FBLN7: variants seen among roughly 807,000 people sequenced by gnomAD.
FBLN7 encodes fibulin-7.
In FBLN7, 31 loss-of-function variants were observed where a neutral mutation model predicts 44.0. That is an observed-to-expected ratio of 0.70 (90% CI 0.53 to 0.95). FBLN7 has a LOEUF of 0.95. Ranked by LOEUF, FBLN7 falls within the 40% of genes least tolerant of loss-of-function variation. The probability of loss-of-function intolerance (pLI) is 0.00; values close to 1 mark genes in which losing one functional copy is unlikely to be tolerated. For missense variants in FBLN7, 573 were observed against 618.5 expected (o/e 0.93, Z 0.78); for synonymous variants, 262 against 253.4 (o/e 1.03, Z -0.32).
chr2:112,194,960 T>G, the FBLN7 span, among the ~76,000 whole-genome samples: 1 of 152,174 alleles, frequency 6.6e-6, no homozygotes, highest in African/African-American at 2.4e-5. Flanking sequence ...GTGCTGCAGG[T>G]TCACCAAGGT....
chr2:112,224,834 TGTA>T, the FBLN7 span, among the ~76,000 whole-genome samples: 3 of 152,300 alleles, frequency 2.0e-5, no homozygotes, highest in Middle Eastern at 0.01. Context: ...AAGAATGAAT[TGTA>T]GTAAAGTGTC....
Position 112,159,749 on chromosome 2 carries a change from G to C in FBLN7, c.149G>C (p.Arg50Pro). Residue 50 changes from arginine (R) to proline (P), a missense_variant, in exon 2 of 8, where the codon CGC becomes CCC. Transcript: ENST00000331203. ...CAGCTGCTGAAGGGCCAGGAGACAC[G>C]CTTCGCCGAGGGCATCCGCCACATG... ...LQQLLKGQET[R>P]FAEGIRHMKS... 6.2e-7 allele frequency: 1 copy of C among 1,605,402 alleles called. No individual in the cohort carries two copies. The highest frequency in any genetic ancestry group is 1.1e-5 in the South Asian group (1 of 89,754).
At chr2:112,242,683 G>T in the FBLN7 span, among the ~76,000 whole-genome samples, 1 of 152,122 alleles carries the variant, frequency 6.6e-6, no homozygotes, top group African/African-American at 2.4e-5. Context: ...AGTGCTAAAA[G>T]AAAACAATGT....
chr2:112,212,232 T>TTATAAGGG, the FBLN7 span: 4 of 152,198 alleles, frequency 2.6e-5, no homozygotes, highest in Non-Finnish European at 5.9e-5. Flanking sequence ...CTAATCCCAT[T>TTATAAGGG]CATGAGGGGC....
In FBLN7 at chr2:112,187,218, G is replaced by A. The variant is rs759128288; in HGVS notation, c.1032G>A (p.Leu344=). 1 of 1,614,050 alleles carries A rather than the reference G, an allele frequency of 6.2e-7. No individual in the cohort carries two copies. The highest frequency in any genetic ancestry group is 8.5e-7 in the Non-Finnish European group (1 of 1,180,012). ...PKTISFHYLS[L]PSNLKTPITL... is the part of the protein sequence containing the mutation. ...CCATCTCCTTCCATTACCTCTCTCTGCCTTCCAACCTGAAGACGCCCATCA... is the reference window on the plus strand; with the variant it reads ...CCATCTCCTTCCATTACCTCTCTCTACCTTCCAACCTGAAGACGCCCATCA... Residue 344 remains leucine, a synonymous_variant, in exon 8 of 8, where the codon CTG becomes CTA. Transcript: ENST00000331203. The surrounding 1 kb of genome is among the most constrained non-coding windows in gnomAD (Gnocchi z 5.1).
At chr2:112,176,253 G>T (rs1682732354) in intron 4 of FBLN7, 1 of 157,614 alleles carries the variant, frequency 6.3e-6, no homozygotes, top group African/African-American at 2.4e-5. Context: ...CAAGTATTTT[G>T]AGAGCTGGAT....
At position 112,187,311 on chromosome 2, in the gene FBLN7, C is replaced by T. The variant is rs370318617; in HGVS notation, c.1125C>T (p.Ile375=). Residue 375 remains isoleucine, a synonymous_variant, in exon 8 of 8, where the codon ATC becomes ATT. Transcript: ENST00000331203. The surrounding 1 kb of genome is among the most constrained non-coding windows in gnomAD (Gnocchi z 5.1). ...GGCCCAACAGCCTGCGGTTTGGGAT[C>T]GTGGGTGGGAACAGCCGCGGCCACT... The part of the protein sequence containing the change: ...RAGPNSLRFG[I]VGGNSRGHFV... 4.6e-5 allele frequency: 75 copies of T among 1,613,992 alleles called. No homozygotes were observed. Among genetic ancestry groups the T allele is most frequent in the Admixed American group, 2.3e-4 (14 of 60,006 alleles).
intron 1 of FBLN7, 125 bp downstream of exon 1, chr2:112,138,855 CTCCCCT>C: frequency 7.8e-7 from 1 of 1,278,382 alleles, no homozygotes; most frequent in African/African-American, 2.0e-5. Flanking sequence ...TCCCGCCTCT[CTCCCCT>C]GTCCCTCCCG....
rs904640014 is a variant in FBLN7, at chr2:112,160,037, C to T, written c.235+202C>T. 8.6e-4 allele frequency among the ~76,000 whole-genome samples: 130 copies of T among 152,040 alleles called. 1 individual carries two copies. Among genetic ancestry groups the T allele is most frequent in the African/African-American group, 3.1e-3 (127 of 41,368 alleles). On this transcript the variant is annotated intron_variant, in intron 2 of 7. Coordinates refer to ENST00000331203, the MANE Select transcript of FBLN7 (RefSeq NM_153214.3). The stretch of plus-strand genomic sequence containing the variant: ...ACGGAGTCTCGCTCTGTCGCCCAGG[C>T]TGGAGTGCAGTGGCGCGATCTCGGC...
At chr2:112,181,979 T>G in intron 5 of FBLN7, 103 bp downstream of exon 5, 1 of 1,404,922 alleles carries the variant, frequency 7.1e-7, no homozygotes, top group Non-Finnish European at 9.3e-7. Context: ...GGTGGCTTCC[T>G]GCGCGCGGTC....
At position 112,160,452 on chromosome 2, in the gene FBLN7, C is replaced by A. The variant is rs1000965834; in HGVS notation, c.235+617C>A. ...ACAACTATCACGTCTTCATACGGAC[C>A]AAACTGTTGCAAGGCGCCACTTTTA... On this transcript the variant is annotated intron_variant, in intron 2 of 7. Coordinates refer to ENST00000331203, the MANE Select transcript of FBLN7 (RefSeq NM_153214.3). Among the ~76,000 whole-genome samples, 12 of 152,318 alleles carry A rather than the reference C, an allele frequency of 7.9e-5. 1 individual carries two copies. Among genetic ancestry groups the A allele is most frequent in the African/African-American group, 2.9e-4 (12 of 41,576 alleles).
chr2:112,155,974 A>G (rs964035450), intron 1 of FBLN7, among the ~76,000 whole-genome samples: 1 of 151,852 alleles, frequency 6.6e-6, no homozygotes, highest in Non-Finnish European at 1.5e-5. Context: ...CCCTCCATGT[A>G]CCCGGGGCAG....
Position 112,187,668 on chromosome 2 carries a change from A to G in FBLN7, c.*162A>G. 1 of 907,616 alleles carries G rather than the reference A, an allele frequency of 1.1e-6. No homozygotes were observed. The highest frequency in any genetic ancestry group is 1.6e-6 in the Non-Finnish European group (1 of 607,494). The allele number at this position is 907,616 out of a possible 1,614,324, so 56.2% of individuals were successfully genotyped here. ...GTTGCACGGCGCCCCATGGAATAGC[A>G]CGGAAGAGCAGCCACAAAACTCAAC... is the stretch of plus-strand genomic sequence containing the variant. On this transcript the variant is annotated 3_prime_UTR_variant, in exon 8 of 8. Coordinates refer to ENST00000331203, the MANE Select transcript of FBLN7 (RefSeq NM_153214.3). The surrounding 1 kb of genome is among the most constrained non-coding windows in gnomAD (Gnocchi z 5.1).
At chr2:112,158,561 G>A (rs572912164) in intron 1 of FBLN7, among the ~76,000 whole-genome samples, 28 of 151,868 alleles carry the variant, frequency 1.8e-4, no homozygotes, top group African/African-American at 5.8e-4. Context: ...TCAGCCTCCC[G>A]AGTAGCTGGG....
At chr2:112,149,050 T>A (rs1202255419) in intron 1 of FBLN7, among the ~76,000 whole-genome samples, 1 of 152,212 alleles carries the variant, frequency 6.6e-6, no homozygotes, top group Non-Finnish European at 1.5e-5. Flanking sequence ...CAGGCACCTG[T>A]GTTTAGACAA....
downstream of FBLN7, among the ~76,000 whole-genome samples, chr2:112,191,148 T>A (rs1166814732): frequency 6.6e-6 from 1 of 152,096 alleles, no homozygotes; most frequent in East Asian, 1.9e-4. Context: ...AGCAAATTTT[T>A]ATTTTTTTGT....
intron 3 of FBLN7, among the ~76,000 whole-genome samples, chr2:112,174,750 C>A (rs1425200334): frequency 6.6e-6 from 1 of 152,074 alleles, no homozygotes; most frequent in Non-Finnish European, 1.5e-5. Flanking sequence ...CATTCTGTCA[C>A]CCAGGCTGGA....
At chr2:112,161,511 T>C (rs181834782) in intron 2 of FBLN7, among the ~76,000 whole-genome samples, 1 of 152,248 alleles carries the variant, frequency 6.6e-6, no homozygotes, top group Non-Finnish European at 1.5e-5. Context: ...CCTTCCTGCC[T>C]CAGATGGGGA....
chr2:112,227,625 C>G, the FBLN7 span, among the ~76,000 whole-genome samples: 1 of 152,112 alleles, frequency 6.6e-6, no homozygotes, highest in Non-Finnish European at 1.5e-5. Context: ...TAAATGAATT[C>G]GAAGTCTTGG....
Sources: gnomAD v4.1 joint callset for allele counts (sites outside exome capture counted in the v4.1 genomes callset) on GRCh38, gnomAD v4.1.1 for gene constraint, Gnocchi (gnomAD v3.1) non-coding constraint, MANE v1.5 for transcripts, NCBI Gene and HGNC (gene_info 2026-07-23, HGNC 2026-07-21) for gene names.